The following NKAIN3 variants were observed in gnomAD, a reference collection of about 807,000 sequenced individuals.
The protein encoded by NKAIN3 is sodium/potassium transporting ATPase interacting 3, also known as sodium/potassium-transporting ATPase subunit beta-1-interacting protein 3.
In NKAIN3, 25 loss-of-function variants were observed where a neutral mutation model predicts 30.2. That is an observed-to-expected ratio of 0.83 (90% CI 0.60 to 1.16). NKAIN3 has a LOEUF of 1.16. Ranked by LOEUF, NKAIN3 falls within the 50% of genes most tolerant of loss-of-function variation. NKAIN3 has a pLI of 0.00. For missense variants in NKAIN3, 225 were observed against 254.1 expected, an observed-to-expected ratio of 0.89 and a Z score of 0.78; for synonymous variants, 91 against 89.6, an observed-to-expected ratio of 1.02 and a Z score of -0.09.
At chr8:62,743,663 G>T (rs1439247663) in intron 3 of NKAIN3, among the ~76,000 whole-genome samples, 1 of 152,186 alleles carries the variant, frequency 6.6e-6, no homozygotes, top group Admixed American at 6.5e-5. Flanking sequence ...AGGAGAATTT[G>T]CTTGAGTCCA....
At chr8:62,713,241 G>A (rs1318734073) in intron 3 of NKAIN3, among the ~76,000 whole-genome samples, 2 of 152,114 alleles carry the variant, frequency 1.3e-5, no homozygotes, top group Admixed American at 1.3e-4. Flanking sequence ...TCAGCTTCTT[G>A]GTTTTTATTT....
intron 4 of NKAIN3, chr8:62,857,067 C>T (rs1820083333): frequency 1.5e-5 from 7 of 477,570 alleles, no homozygotes; most frequent in East Asian, 5.5e-5. Flanking sequence ...TTTTGTAATA[C>T]GACTCCCACC....
chr8:62,520,552 C>T (rs1307869597), intron 1 of NKAIN3, among the ~76,000 whole-genome samples: 1 of 152,050 alleles, frequency 6.6e-6, no homozygotes, highest in Admixed American at 6.6e-5. Flanking sequence ...TTTTTATCGG[C>T]AGTACTTGAA....
intron 3 of NKAIN3, among the ~76,000 whole-genome samples, chr8:62,619,597 C>T (rs548573912): frequency 6.6e-6 from 1 of 152,068 alleles, no homozygotes; most frequent in South Asian, 2.1e-4. Flanking sequence ...CCAAGCTGTG[C>T]CCCTGACGAC....
At chr8:62,331,800 G>A (rs1486307693) in intron 1 of NKAIN3, among the ~76,000 whole-genome samples, 1 of 152,088 alleles carries the variant, frequency 6.6e-6, no homozygotes, top group African/African-American at 2.4e-5. Flanking sequence ...GTCCTTGTTT[G>A]TGCAAGACCA....
intron 1 of NKAIN3, among the ~76,000 whole-genome samples, chr8:62,467,953 G>T (rs1047469000): frequency 6.6e-6 from 1 of 151,928 alleles, no homozygotes; most frequent in African/African-American, 2.4e-5. Flanking sequence ...TGCATTTTTT[G>T]TTAGAGAGGG....
At chr8:62,938,470 A>G (rs1822853930) in intron 5 of NKAIN3, among the ~76,000 whole-genome samples, 1 of 152,070 alleles carries the variant, frequency 6.6e-6, no homozygotes, top group Non-Finnish European at 1.5e-5. Flanking sequence ...AAACAAAACC[A>G]TAACCAAAGT....
At chr8:62,873,107 C>T (rs1820694047) in intron 4 of NKAIN3, among the ~76,000 whole-genome samples, 1 of 152,030 alleles carries the variant, frequency 6.6e-6, no homozygotes, top group Non-Finnish European at 1.5e-5. Context: ...ATCCTGTGTG[C>T]AGACACACAT....
At chr8:62,501,449 T>C (rs1807447303) in intron 1 of NKAIN3, among the ~76,000 whole-genome samples, 1 of 152,206 alleles carries the variant, frequency 6.6e-6, no homozygotes, top group Admixed American at 6.5e-5. Context: ...ATTTGCTTTC[T>C]CAATTCCTCC....
chr8:62,294,932 AAC>A (rs1299202597), intron 1 of NKAIN3, among the ~76,000 whole-genome samples: 2 of 152,106 alleles, frequency 1.3e-5, no homozygotes, highest in African/African-American at 4.8e-5. Flanking sequence ...GAAACATACA[AAC>A]ACACATCTCT....
chr8:62,621,251 T>G (rs1811611590), intron 3 of NKAIN3, among the ~76,000 whole-genome samples: 1 of 152,158 alleles, frequency 6.6e-6, no homozygotes, highest in Non-Finnish European at 1.5e-5. Flanking sequence ...TTGCCATTTC[T>G]TCTGACACTC....
At chr8:62,788,758 G>A (rs1473543501) in intron 4 of NKAIN3, among the ~76,000 whole-genome samples, 3 of 151,620 alleles carry the variant, frequency 2.0e-5, no homozygotes, top group East Asian at 3.9e-4. Flanking sequence ...CATATGGCTA[G>A]CCAGTTTTCC....
At chr8:62,765,648 A>G (rs1816814212) in intron 4 of NKAIN3, among the ~76,000 whole-genome samples, 1 of 152,214 alleles carries the variant, frequency 6.6e-6, no homozygotes, top group Non-Finnish European at 1.5e-5. Context: ...ACCTTGGTTA[A>G]TCATAAAATC....
intron 1 of NKAIN3, among the ~76,000 whole-genome samples, chr8:62,527,180 C>G (rs1808330401): frequency 6.6e-6 from 1 of 152,178 alleles, no homozygotes. Flanking sequence ...GAGATGTACA[C>G]CAGAATTTCC....
At chr8:62,474,835 C>G (rs1806463618) in intron 1 of NKAIN3, among the ~76,000 whole-genome samples, 1 of 152,022 alleles carries the variant, frequency 6.6e-6, no homozygotes, top group Admixed American at 6.6e-5. Flanking sequence ...GAATAAAGAA[C>G]CCCAATAATG....
intron 5 of NKAIN3, among the ~76,000 whole-genome samples, chr8:62,931,856 C>G (rs1441449099): frequency 6.6e-6 from 1 of 152,132 alleles, no homozygotes; most frequent in Non-Finnish European, 1.5e-5. Flanking sequence ...TTGACAGACA[C>G]TTTGTTGATA....
intron 1 of NKAIN3, among the ~76,000 whole-genome samples, chr8:62,554,194 T>C (rs1809313214): frequency 6.6e-6 from 1 of 152,232 alleles, no homozygotes; most frequent in African/African-American, 2.4e-5. Context: ...GAATAATTTT[T>C]CTGTACATCA....
At chr8:62,339,464 C>T (rs573234956) in intron 1 of NKAIN3, among the ~76,000 whole-genome samples, 4 of 151,922 alleles carry the variant, frequency 2.6e-5, no homozygotes, top group Non-Finnish European at 4.4e-5. Context: ...TCCTTTTGAA[C>T]GTCCGGGGAT....
intron 1 of NKAIN3, among the ~76,000 whole-genome samples, chr8:62,350,672 G>A (rs929892132): frequency 1.3e-5 from 2 of 152,026 alleles, no homozygotes; most frequent in Non-Finnish European, 2.9e-5. Context: ...GCCTTAGAGA[G>A]TAATGAGCTT....
Sources: gnomAD v4.1 joint callset for allele counts (sites outside exome capture counted in the v4.1 genomes callset) on GRCh38, gnomAD v4.1.1 for gene constraint, MANE v1.5 for transcripts, NCBI Gene and HGNC (gene_info 2026-07-23, HGNC 2026-07-21) for gene names.